FRAS1: variants seen among roughly 807,000 people sequenced by gnomAD.
The protein encoded by FRAS1 is Fraser extracellular matrix complex subunit 1.
A neutral mutation model predicts 435.2 loss-of-function variants in FRAS1; 290 were observed. The observed-to-expected ratio is 0.67, with a 90% confidence interval of 0.61 to 0.73. FRAS1 has a LOEUF of 0.73. FRAS1 is among the 30% of genes least tolerant of loss of function. FRAS1 has a pLI of 0.00. For synonymous variants in FRAS1, 1,800 were observed against 1,851.0 expected (o/e 0.97, Z 0.71); for missense variants, 4,860 against 5,001.5 (o/e 0.97, Z 0.85).
At chr4:78,417,946 G>A (rs112513067) in intron 32 of FRAS1, among the ~76,000 whole-genome samples, 8 of 152,156 alleles carry the variant, frequency 5.3e-5, no homozygotes, top group Non-Finnish European at 1.2e-4. Context: ...CCCAGGCGAG[G>A]GGCCCCAGCT....
At chr4:78,465,660 C>T (rs910464176) in intron 49 of FRAS1, among the ~76,000 whole-genome samples, 2 of 152,188 alleles carry the variant, frequency 1.3e-5, no homozygotes, top group Non-Finnish European at 2.9e-5. Context: ...AAGAATGAGA[C>T]CAGAGAGGAA....
Position 78,065,789 on chromosome 4 carries a change from G to A in FRAS1, c.77-196G>A, listed in dbSNP as rs138873413. Among the ~76,000 whole-genome samples, 63 of 152,282 alleles carry A rather than the reference G, an allele frequency of 4.1e-4. 1 individual carries two copies. In the East Asian group the frequency reaches 0.012, roughly 28 times the overall value. Reference sequence around the variant, plus strand: ...GTTTTAATGATGCTTTTCCTCATGTGTGTCCAAGGAATGTTGTTTTGGTGT... The same window carrying A: ...GTTTTAATGATGCTTTTCCTCATGTATGTCCAAGGAATGTTGTTTTGGTGT... On this transcript the variant is annotated intron_variant, in intron 1 of 73. Transcript: ENST00000512123.
At chr4:78,244,415 T>A (rs1268309917) in intron 3 of FRAS1, among the ~76,000 whole-genome samples, 3 of 152,156 alleles carry the variant, frequency 2.0e-5, no homozygotes, top group Admixed American at 6.6e-5. Context: ...TTCTGCCACA[T>A]CACTAGGCTT....
intron 61 of FRAS1, among the ~76,000 whole-genome samples, chr4:78,502,402 G>A (rs1170040770): frequency 6.6e-6 from 1 of 151,886 alleles, no homozygotes; most frequent in African/African-American, 2.4e-5. Context: ...CATTAAACAG[G>A]GGTTTGTAGT....
At chr4:78,437,858 G>A (rs1164336883) in intron 38 of FRAS1, among the ~76,000 whole-genome samples, 1 of 152,108 alleles carries the variant, frequency 6.6e-6, no homozygotes, top group Non-Finnish European at 1.5e-5. Flanking sequence ...GAAGAAACAG[G>A]ACATTGTTAT....
intron 35 of FRAS1, among the ~76,000 whole-genome samples, chr4:78,424,772 T>C (rs1328690725): frequency 6.6e-6 from 1 of 150,724 alleles, no homozygotes; most frequent in Non-Finnish European, 1.5e-5. Flanking sequence ...CAAGACCTTG[T>C]CTATAAAAAA....
At chr4:78,124,185 T>G (rs28796316) in intron 2 of FRAS1, among the ~76,000 whole-genome samples, 42,594 of 152,072 alleles carry the variant, frequency 0.28, 6,290 homozygotes, top group African/African-American at 0.35. Flanking sequence ...GGCATGAAAG[T>G]CTGTTGAATT....
intron 2 of FRAS1, among the ~76,000 whole-genome samples, chr4:78,179,775 A>G (rs934776527): frequency 2.0e-5 from 3 of 152,222 alleles, no homozygotes; most frequent in African/African-American, 7.2e-5. Flanking sequence ...AGACAAATGA[A>G]TATGACTGTC....
intron 2 of FRAS1, among the ~76,000 whole-genome samples, chr4:78,155,255 C>T (rs1366451484): frequency 6.6e-6 from 1 of 152,126 alleles, no homozygotes; most frequent in African/African-American, 2.4e-5. Context: ...TAAGAGCCTA[C>T]AAGTGGACTG....
intron 2 of FRAS1, among the ~76,000 whole-genome samples, chr4:78,113,724 ATTAGCCCTTTG>A (rs1251364170): frequency 6.6e-6 from 1 of 152,092 alleles, no homozygotes; most frequent in Non-Finnish European, 1.5e-5. Context: ...GATTCTGGAT[ATTAGCCCTTTG>A]TTAGATGAGT....
chr4:78,338,776 C>T (rs1318236944), intron 20 of FRAS1, among the ~76,000 whole-genome samples: 3 of 152,294 alleles, frequency 2.0e-5, no homozygotes, highest in Admixed American at 1.3e-4. Flanking sequence ...GCTGACATCT[C>T]GGCTGTTCGG....
rs866138340 is a variant in FRAS1, at chr4:78,168,374, A to G, written c.109-69136A>G. On this transcript the variant is annotated intron_variant, in intron 2 of 73. Transcript: ENST00000512123. ...AGGCTGGATTTACCAAAGAGGACAAAAGATGTTTTTTTTTGTTTTTTGTTT... is the reference window on the plus strand; with the variant it reads ...AGGCTGGATTTACCAAAGAGGACAAGAGATGTTTTTTTTTGTTTTTTGTTT... Among the ~76,000 whole-genome samples the G allele has an allele frequency of 2.0e-5, 3 of 152,166 alleles. No homozygotes were observed. The South Asian group carries it at 6.2e-4, about 32-fold the overall frequency.
At chr4:78,155,835 T>C (rs1720860573) in intron 2 of FRAS1, among the ~76,000 whole-genome samples, 1 of 152,134 alleles carries the variant, frequency 6.6e-6, no homozygotes, top group East Asian at 1.9e-4. Flanking sequence ...GTGAAATCCA[T>C]GGACTCGTAC....
At position 78,303,965 on chromosome 4, in the gene FRAS1, A is replaced by C. The variant is rs112819767; in HGVS notation, c.1535-4101A>C. 1.5e-3 allele frequency among the ~76,000 whole-genome samples: 222 copies of C among 151,612 alleles called. 1 individual carries two copies. The highest frequency in any genetic ancestry group is 5.1e-3 in the African/African-American group (209 of 41,248). On this transcript the variant is annotated intron_variant, in intron 14 of 73. Transcript: ENST00000512123. ...CAAAGGGAATGCTTCCAGTTTTTGC[A>C]CATTCAGTATGATATTGGCTGTGGG...
Position 78,508,792 on chromosome 4 carries a change from C to T in FRAS1, c.9566C>T (p.Ser3189Phe), listed in dbSNP as rs567506383. Residue 3189 changes from serine to phenylalanine, a missense_variant, in exon 63 of 74, where the codon TCC (serine) becomes TTC (phenylalanine). Physicochemically the swap from Ser to Phe is radical, Grantham distance 155. Transcript: ENST00000512123. ...GTTACCAAGGAAGGAGTCAAGAAAT[C>T]CCCCTCCCCAGGCTACCCACTGGTC... Reference protein sequence around the residue: ...EEVTKEGVKKSPSPGYPLVCV... With the variant: ...EEVTKEGVKKFPSPGYPLVCV... The T allele has an allele frequency of 5.0e-6, 8 of 1,613,670 alleles. No individual in the cohort carries two copies. In the African/African-American group the frequency reaches 8.0e-5, roughly 16 times the overall value.
chr4:78,290,610 C>G (rs1727845094), intron 14 of FRAS1, among the ~76,000 whole-genome samples: 1 of 152,024 alleles, frequency 6.6e-6, no homozygotes, highest in Non-Finnish European at 1.5e-5. Flanking sequence ...ACCACCATGC[C>G]TGGCTAATTT....
At chr4:78,359,968 A>G (rs1045878819) in intron 20 of FRAS1, among the ~76,000 whole-genome samples, 11 of 151,952 alleles carry the variant, frequency 7.2e-5, no homozygotes, top group Non-Finnish European at 1.5e-4. Context: ...AGTCTCTCCA[A>G]CTCTTCAGAC....
intron 59 of FRAS1, among the ~76,000 whole-genome samples, chr4:78,491,503 G>A (rs146441232): frequency 0.011 from 1,744 of 152,176 alleles, 30 homozygotes; most frequent in African/African-American, 0.04. Flanking sequence ...TTCAACATAC[G>A]CAAATCAATA....
At chr4:78,120,884 G>T (rs1028416024) in intron 2 of FRAS1, among the ~76,000 whole-genome samples, 22 of 152,150 alleles carry the variant, frequency 1.4e-4, no homozygotes, top group African/African-American at 4.8e-4. Context: ...GATACAGGTG[G>T]GGGGGATGGA....
Sources: gnomAD v4.1 joint callset for allele counts (sites outside exome capture counted in the v4.1 genomes callset) on GRCh38, gnomAD v4.1.1 for gene constraint, MANE v1.5 for transcripts, NCBI Gene and HGNC (gene_info 2026-07-23, HGNC 2026-07-21) for gene names.